The following CDK6 variants were observed in gnomAD, a reference collection of about 807,000 sequenced individuals.
CDK6 encodes cyclin dependent kinase 6.
CDK6 carries 6 observed loss-of-function variants against 37.1 expected under a neutral mutation model. The ratio of observed to expected loss-of-function variants is 0.16; its 90% confidence interval spans 0.09 to 0.32. The LOEUF is 0.32. Among genes scored for constraint, CDK6 ranks in the 10% least tolerant of loss-of-function variants. The probability of loss-of-function intolerance (pLI) is 1.00; values close to 1 mark genes in which losing one functional copy is unlikely to be tolerated. For missense variants in CDK6, 224 were observed against 418.9 expected (o/e 0.53, Z 4.06); for synonymous variants, 160 against 161.3 (o/e 0.99, Z 0.06).
rs990068711 is a variant in CDK6, at chr7:92,701,519, C to T, written c.537+24107G>A. ...CTCCCGGGTTCAGGCCATTCTCCTG[C>T]CTCAGCCTCCCGAGTAGCTGGGACT... On this transcript the variant is annotated intron_variant, in intron 4 of 7. Coordinates refer to ENST00000424848, the MANE Select transcript of CDK6 (RefSeq NM_001145306.2). Among the ~76,000 whole-genome samples the T allele has an allele frequency of 2.6e-5, 4 of 152,176 alleles. 1 individual carries two copies. The highest frequency in any genetic ancestry group is 2.6e-4 in the Admixed American group (4 of 15,292).
chr7:92,663,998 G>A (rs1009506535), intron 5 of CDK6, among the ~76,000 whole-genome samples: 3 of 151,770 alleles, frequency 2.0e-5, no homozygotes, highest in Non-Finnish European at 4.4e-5. Flanking sequence ...AAAATTAGCC[G>A]GGCACGGGGG....
At chr7:92,799,338 AC>A (rs1800507288) in intron 2 of CDK6, among the ~76,000 whole-genome samples, 1 of 152,034 alleles carries the variant, frequency 6.6e-6, no homozygotes, top group Non-Finnish European at 1.5e-5. Context: ...CACCTCAGAT[AC>A]CAGAATGAGA....
At chr7:92,771,107 G>A (rs1295669364) in intron 3 of CDK6, among the ~76,000 whole-genome samples, 2 of 151,414 alleles carry the variant, frequency 1.3e-5, no homozygotes, top group Admixed American at 1.3e-4. Context: ...GTGGTGGCCC[G>A]TGCCTGTAAT....
At chr7:92,764,190 G>A (rs1391452006) in intron 3 of CDK6, among the ~76,000 whole-genome samples, 1 of 149,188 alleles carries the variant, frequency 6.7e-6, no homozygotes, top group African/African-American at 2.5e-5. Flanking sequence ...CCAGGCTGCT[G>A]TGCAGGGGTG....
rs972383782 is a variant in CDK6 at position 92,611,927 on chromosome 7, T to A, written c.*3213A>T. On this transcript the variant is annotated 3_prime_UTR_variant, in exon 8 of 8. Transcript: ENST00000424848. ...GGGGCTGAAATGGCCCCAAGCTTTC[T>A]TCCAAAACAGGTTCTTTGCACCTTG... 3 of 232,742 alleles carry A rather than the reference T, an allele frequency of 1.3e-5. No individual in the cohort carries two copies. The highest frequency in any genetic ancestry group is 2.5e-5 in the Non-Finnish European group (3 of 117,774). 14.4% of individuals were successfully genotyped at this position (232,742 alleles called of 1,614,324 possible).
rs1246015541 is a variant in CDK6 at position 92,611,695 on chromosome 7, A to G, written c.*3445T>C. The G allele has an allele frequency of 4.4e-6, 1 of 229,374 alleles. No homozygotes were observed. Among genetic ancestry groups the G allele is most frequent in the Non-Finnish European group, 8.6e-6 (1 of 115,732 alleles). The allele number at this position is 229,374 out of a possible 1,614,324, so 14.2% of individuals were successfully genotyped here. On this transcript the variant is annotated 3_prime_UTR_variant, in exon 8 of 8. Transcript: ENST00000424848. Reference sequence around the variant, plus strand: ...ATAGTACATTCTGGAGAGTCAAACTATACATTTCTCTATAGAAAAGAAACA... The same window carrying G: ...ATAGTACATTCTGGAGAGTCAAACTGTACATTTCTCTATAGAAAAGAAACA...
intron 4 of CDK6, among the ~76,000 whole-genome samples, chr7:92,722,498 T>C (rs777575191): frequency 1.3e-5 from 2 of 152,240 alleles, no homozygotes; most frequent in Non-Finnish European, 2.9e-5. Context: ...GAGATTGAGC[T>C]ACAGCATGTA....
At chr7:92,724,832 G>T (rs1330718609) in intron 4 of CDK6, among the ~76,000 whole-genome samples, 1 of 151,788 alleles carries the variant, frequency 6.6e-6, no homozygotes, top group Non-Finnish European at 1.5e-5. Flanking sequence ...TGTACGTAAG[G>T]CATGAATTTA....
At chr7:92,804,739 T>C (rs922193274) in intron 2 of CDK6, among the ~76,000 whole-genome samples, 1 of 151,718 alleles carries the variant, frequency 6.6e-6, no homozygotes, top group African/African-American at 2.4e-5. Flanking sequence ...ATTTGTTTGT[T>C]GTGGGGAGCC....
intron 5 of CDK6, among the ~76,000 whole-genome samples, chr7:92,647,782 G>A (rs989906690): frequency 2.0e-5 from 3 of 152,188 alleles, no homozygotes; most frequent in Non-Finnish European, 2.9e-5. Flanking sequence ...AAACTTGAAA[G>A]GTCTCAGAGG....
In CDK6 at chr7:92,664,124, G is replaced by A. The variant is rs535527883; in HGVS notation, c.647+7302C>T. 1.8e-4 allele frequency among the ~76,000 whole-genome samples: 28 copies of A among 151,832 alleles called. No homozygotes were observed. The South Asian group carries it at 5.6e-3, about 30-fold the overall frequency. Reference sequence around the variant, plus strand: ...CCACTGCACTCCAGCCTGGGTGACAGAGCGAGACTCTGCCTCAAAAAAATA... The same window carrying A: ...CCACTGCACTCCAGCCTGGGTGACAAAGCGAGACTCTGCCTCAAAAAAATA... On this transcript the variant is annotated intron_variant, in intron 5 of 7. Transcript: ENST00000424848.
chr7:92,833,575 G>T lies in CDK6; in HGVS notation c.-252C>A. On this transcript the variant is annotated 5_prime_UTR_variant, in exon 2 of 8. Coordinates refer to ENST00000424848, the MANE Select transcript of CDK6 (RefSeq NM_001145306.2). The surrounding 1 kb of genome is among the most constrained non-coding windows in gnomAD (Gnocchi z 6.1). The stretch of plus-strand genomic sequence containing the variant: ...CTCCGCCTGCAGAGTCGCCGCCGCC[G>T]CCGCCGCCGGAGGAGCGAGCCGATC... 1.8e-6 allele frequency: 1 copy of T among 541,714 alleles called. No individual in the cohort carries two copies. Among genetic ancestry groups the T allele is most frequent in the South Asian group, 2.6e-5 (1 of 38,808 alleles). The allele number at this position is 541,714 out of a possible 1,614,324, so 33.6% of individuals were successfully genotyped here. A position where few individuals can be genotyped will look rare whatever the true frequency, so the allele number is the denominator to read the frequency against.
At chr7:92,819,536 C>T (rs1299698206) in intron 2 of CDK6, among the ~76,000 whole-genome samples, 2 of 151,978 alleles carry the variant, frequency 1.3e-5, no homozygotes, top group African/African-American at 2.4e-5. Context: ...AAAAATTATA[C>T]CTTTAGCTCG....
intron 2 of CDK6, among the ~76,000 whole-genome samples, chr7:92,824,032 T>G (rs777753537): frequency 6.1e-4 from 93 of 152,022 alleles, no homozygotes; most frequent in Non-Finnish European, 1.1e-3. Flanking sequence ...CATTATACTT[T>G]GAACCTTCTA....
chr7:92,829,064 C>A (rs1801409041), intron 2 of CDK6, among the ~76,000 whole-genome samples: 1 of 152,212 alleles, frequency 6.6e-6, no homozygotes, highest in Non-Finnish European at 1.5e-5. Context: ...ATGAACTAAT[C>A]CAATTGAAGA....
chr7:92,820,556 A>G (rs970123668), intron 2 of CDK6, among the ~76,000 whole-genome samples: 2 of 152,180 alleles, frequency 1.3e-5, no homozygotes, highest in Non-Finnish European at 2.9e-5. Flanking sequence ...TTACGGGGAT[A>G]AAATATTCTC....
rs191483346 is a variant in CDK6, at chr7:92,700,352, A to G, written c.537+25274T>C. Among the ~76,000 whole-genome samples, 9 of 152,358 alleles carry G rather than the reference A, an allele frequency of 5.9e-5. No homozygotes were observed. In the East Asian group the frequency reaches 1.7e-3, roughly 29 times the overall value. Reference sequence around the variant, plus strand: ...GATGATCCTGAAGGCAGGGATCTCAATGAAAAGGCTGCAATGATCCAGATG... The same window carrying G: ...GATGATCCTGAAGGCAGGGATCTCAGTGAAAAGGCTGCAATGATCCAGATG... On this transcript the variant is annotated intron_variant, in intron 4 of 7. Transcript: ENST00000424848.
At chr7:92,748,921 G>A (rs772302118) in intron 3 of CDK6, among the ~76,000 whole-genome samples, 5 of 152,022 alleles carry the variant, frequency 3.3e-5, no homozygotes, top group Non-Finnish European at 5.9e-5. Context: ...TCCCAACACG[G>A]CTGGGCGCGA....
chr7:92,757,483 C>T (rs1260234619), intron 3 of CDK6, among the ~76,000 whole-genome samples: 1 of 152,190 alleles, frequency 6.6e-6, no homozygotes, highest in African/African-American at 2.4e-5. Context: ...AATACATGAT[C>T]TTGTTCATTT....
Sources: allele counts gnomAD v4.1 joint callset (sites outside exome capture counted in the v4.1 genomes callset), GRCh38; gene constraint gnomAD v4.1.1; non-coding constraint Gnocchi (gnomAD v3.1); transcripts MANE v1.5; gene names NCBI Gene and HGNC (gene_info 2026-07-23, HGNC 2026-07-21).